The following AGBL1 variants were observed in gnomAD, a reference collection of about 807,000 sequenced individuals.
AGBL1 encodes the protein AGBL carboxypeptidase 1.
A neutral mutation model predicts 118.9 loss-of-function variants in AGBL1; 130 were observed. The ratio of observed to expected loss-of-function variants is 1.09; its 90% CI spans 0.95 to 1.26. The LOEUF (loss-of-function observed/expected upper bound fraction) is 1.26. Among genes scored for constraint, AGBL1 ranks in the 50% most tolerant of loss-of-function variants. The probability of loss-of-function intolerance (pLI) is 0.00; values close to 1 mark genes in which losing one functional copy is unlikely to be tolerated. For missense variants in AGBL1, 1,584 were observed against 1,298.1 expected (o/e 1.22, Z -3.38); for synonymous variants, 555 against 478.9 (o/e 1.16, Z -2.08).
intron 22 of AGBL1, among the ~76,000 whole-genome samples, chr15:86,767,195 G>T (rs1185122237): frequency 2.6e-5 from 4 of 151,882 alleles, no homozygotes; most frequent in Admixed American, 2.6e-4. Flanking sequence ...ACTGCTCAGA[G>T]GTGAACCCTG....
At chr15:86,827,121 A>G (rs2079022052) in intron 22 of AGBL1, among the ~76,000 whole-genome samples, 1 of 150,536 alleles carries the variant, frequency 6.6e-6, no homozygotes, top group Non-Finnish European at 1.5e-5. Context: ...TATGAGGAGC[A>G]GGAAATAACT....
At chr15:86,112,808 A>C (rs982260338) in intron 1 of AGBL1, among the ~76,000 whole-genome samples, 5 of 152,202 alleles carry the variant, frequency 3.3e-5, no homozygotes, top group Admixed American at 6.5e-5. Context: ...AAAGATGGTA[A>C]TTCATTTTAA....
chr15:86,917,310 G>A (rs1033309422), downstream of AGBL1, among the ~76,000 whole-genome samples: 1 of 152,140 alleles, frequency 6.6e-6, no homozygotes, highest in Non-Finnish European at 1.5e-5. The surrounding 1 kb of genome is among the most constrained non-coding windows in gnomAD (Gnocchi z 4.8). Flanking sequence ...CTCTGCCTGG[G>A]CCTGGGCCAA....
intron 17 of AGBL1, chr15:86,297,138 G>T (rs2141782544): frequency 6.6e-6 from 1 of 152,238 alleles, no homozygotes; most frequent in East Asian, 1.9e-4. Flanking sequence ...TGAATCAAAA[G>T]AGGCTGGTTT....
At chr15:86,287,116 TA>T (rs1472700446) in intron 16 of AGBL1, among the ~76,000 whole-genome samples, 4 of 152,158 alleles carry the variant, frequency 2.6e-5, no homozygotes, top group African/African-American at 7.2e-5. Context: ...ATGTTGAACA[TA>T]TTTTTTTATG....
intron 1 of AGBL1, among the ~76,000 whole-genome samples, chr15:86,096,820 A>T (rs1896406081): frequency 6.6e-6 from 1 of 152,190 alleles, no homozygotes; most frequent in South Asian, 2.1e-4. Context: ...CCTATGTCCC[A>T]GCTTCCCCTC....
chr15:86,569,301 C>T (rs139102245), intron 21 of AGBL1, among the ~76,000 whole-genome samples: 1 of 151,836 alleles, frequency 6.6e-6, no homozygotes, highest in Non-Finnish European at 1.5e-5. Context: ...CATGGTGGCA[C>T]GTGCTTGTGG....
intron 22 of AGBL1, among the ~76,000 whole-genome samples, chr15:86,807,072 T>C (rs891358146): frequency 6.6e-6 from 1 of 152,162 alleles, no homozygotes; most frequent in Non-Finnish European, 1.5e-5. Context: ...CTCTAACATA[T>C]ACTAATTGTG....
chr15:86,321,997 A>T (rs1401437025), intron 17 of AGBL1, among the ~76,000 whole-genome samples: 2 of 151,730 alleles, frequency 1.3e-5, no homozygotes, highest in Admixed American at 6.6e-5. Context: ...AATTAATTTT[A>T]TTGTAAGCAG....
At chr15:86,293,736 C>T (rs1326641229) in intron 16 of AGBL1, among the ~76,000 whole-genome samples, 3 of 152,138 alleles carry the variant, frequency 2.0e-5, no homozygotes, top group Admixed American at 1.3e-4. Context: ...TTTGAAGACA[C>T]TACTTCCCTT....
chr15:86,710,495 G>T (rs1478464782), intron 22 of AGBL1, among the ~76,000 whole-genome samples: 1 of 152,134 alleles, frequency 6.6e-6, no homozygotes, highest in Non-Finnish European at 1.5e-5. Flanking sequence ...CATTACATTT[G>T]GAAAAGTGCA....
intron 23 of AGBL1, among the ~76,000 whole-genome samples, chr15:86,941,338 A>G (rs1040893003): frequency 2.6e-5 from 4 of 152,252 alleles, no homozygotes; most frequent in African/African-American, 9.6e-5. Context: ...AAAACTACAC[A>G]GTACTTTAAC....
intron 23 of AGBL1, among the ~76,000 whole-genome samples, chr15:86,980,159 G>A (rs1334680606): frequency 2.0e-5 from 3 of 147,180 alleles, no homozygotes; most frequent in African/African-American, 7.5e-5. Flanking sequence ...TCAGTAATCA[G>A]ATCCTAGTTT....
chr15:86,108,685 G>A lies in AGBL1; in HGVS notation c.51+28662G>A, dbSNP rs116133471. ...ACAAGGAGCGGGAGCATGGCCAGGC[G>A]CAGTGGCTCATGCCTATAATCCCAG... On this transcript the variant is annotated intron_variant, in intron 1 of 22. Coordinates refer to ENST00000614907, the MANE Select transcript of AGBL1 (RefSeq NM_001386094.1). Among the ~76,000 whole-genome samples the A allele has an allele frequency of 7.2e-3, 1,097 of 152,290 alleles. 16 individuals carry two copies. Among genetic ancestry groups the A allele is most frequent in the African/African-American group, 0.025 (1,051 of 41,556 alleles).
At chr15:86,924,552 G>A (rs1281952727) in intron 23 of AGBL1, among the ~76,000 whole-genome samples, 1 of 152,190 alleles carries the variant, frequency 6.6e-6, no homozygotes, top group Non-Finnish European at 1.5e-5. Context: ...TGTTTGTCCA[G>A]GTTCTCAGCT....
intron 5 of AGBL1, among the ~76,000 whole-genome samples, chr15:86,210,439 C>G (rs1356795216): frequency 6.6e-6 from 1 of 152,206 alleles, no homozygotes; most frequent in African/African-American, 2.4e-5. Context: ...CTCCCTGTCA[C>G]TTTCAGGTAC....
chr15:86,321,600 C>T (rs900586327), intron 17 of AGBL1, among the ~76,000 whole-genome samples: 1 of 149,016 alleles, frequency 6.7e-6, no homozygotes, highest in Non-Finnish European at 1.5e-5. Context: ...AAAAACCCGT[C>T]TATATTAAAA....
intron 5 of AGBL1, among the ~76,000 whole-genome samples, chr15:86,192,430 G>A (rs2077738411): frequency 6.6e-6 from 1 of 151,528 alleles, no homozygotes; most frequent in Non-Finnish European, 1.5e-5. Flanking sequence ...ACATACATAT[G>A]TGTATGTGCA....
At chr15:86,291,876 A>G (rs2079550851) in intron 16 of AGBL1, among the ~76,000 whole-genome samples, 1 of 152,286 alleles carries the variant, frequency 6.6e-6, no homozygotes, top group Middle Eastern at 3.4e-3. Context: ...TTGATGGACA[A>G]TCATAACAAT....
Sources: gnomAD v4.1 joint callset for allele counts (sites outside exome capture counted in the v4.1 genomes callset) on GRCh38, gnomAD v4.1.1 for gene constraint, Gnocchi (gnomAD v3.1) non-coding constraint, MANE v1.5 for transcripts, NCBI Gene and HGNC (gene_info 2026-07-23, HGNC 2026-07-21) for gene names.